VWA8: variants seen among roughly 807,000 people sequenced by gnomAD.
VWA8 encodes the protein von Willebrand factor A domain-containing protein 8.
A neutral mutation model predicts 241.5 loss-of-function variants in VWA8; 221 were observed. The ratio of observed to expected loss-of-function variants is 0.91; its 90% confidence interval spans 0.82 to 1.02. VWA8 has a LOEUF of 1.02. Among genes scored for constraint, VWA8 ranks in the 50% least tolerant of loss-of-function variants. The pLI is 0.00. For synonymous variants in VWA8, 852 were observed against 827.1 expected, an observed-to-expected ratio of 1.03 and a Z score of -0.52; for missense variants, 2,322 against 2,328.7, an observed-to-expected ratio of 1.00 and a Z score of 0.06.
chr13:41,798,924 TTTTG>T (rs1869825242), intron 17 of VWA8, among the ~76,000 whole-genome samples: 1 of 152,182 alleles, frequency 6.6e-6, no homozygotes, highest in South Asian at 2.1e-4. Context: ...GCTTATTGAA[TTTTG>T]TTTGATGGTT....
chr13:41,832,401 G>A (rs1350362351), intron 13 of VWA8, among the ~76,000 whole-genome samples: 3 of 152,290 alleles, frequency 2.0e-5, no homozygotes, highest in East Asian at 1.9e-4. Flanking sequence ...GACTATTACC[G>A]TGTCTGCAGT....
At chr13:41,607,368 TA>T (rs1196055440) in intron 39 of VWA8, among the ~76,000 whole-genome samples, 1 of 152,210 alleles carries the variant, frequency 6.6e-6, no homozygotes, top group African/African-American at 2.4e-5. Context: ...TCCTGAAGAA[TA>T]AAAAGAAATA....
chr13:41,742,776 A>G (rs924187071), intron 21 of VWA8, among the ~76,000 whole-genome samples: 1 of 152,206 alleles, frequency 6.6e-6, no homozygotes, highest in Non-Finnish European at 1.5e-5. Context: ...CAAACACATG[A>G]GATCCAAATG....
intron 12 of VWA8, among the ~76,000 whole-genome samples, chr13:41,844,341 A>G (rs920478875): frequency 2.6e-5 from 4 of 152,152 alleles, no homozygotes; most frequent in Admixed American, 1.3e-4. Flanking sequence ...ATACATCAAA[A>G]TAATATAATA....
At chr13:41,601,037 G>A (rs1370839560) in intron 40 of VWA8, among the ~76,000 whole-genome samples, 1 of 152,078 alleles carries the variant, frequency 6.6e-6, no homozygotes, top group African/African-American at 2.4e-5. Context: ...CTCAGCTCAT[G>A]CCTGAGACCA....
At chr13:41,702,537 AC>A (rs1160726817) in intron 27 of VWA8, among the ~76,000 whole-genome samples, 5 of 152,216 alleles carry the variant, frequency 3.3e-5, no homozygotes, top group Non-Finnish European at 7.3e-5. Context: ...GGGTTGACAA[AC>A]TATGGCCTCC....
intron 9 of VWA8, among the ~76,000 whole-genome samples, chr13:41,882,176 G>T (rs1216909863): frequency 7.3e-5 from 11 of 150,082 alleles, no homozygotes; most frequent in Non-Finnish European, 1.3e-4. Context: ...GGGCGGCAGG[G>T]CAGAGGCTCT....
At chr13:41,582,942 C>T (rs1340129356) in intron 42 of VWA8, among the ~76,000 whole-genome samples, 1 of 152,116 alleles carries the variant, frequency 6.6e-6, no homozygotes, top group East Asian at 1.9e-4. Context: ...CACCTATATA[C>T]CCCCAAACAT....
At chr13:41,783,330 C>T (rs1868978958) in intron 19 of VWA8, among the ~76,000 whole-genome samples, 1 of 151,354 alleles carries the variant, frequency 6.6e-6, no homozygotes, top group African/African-American at 2.4e-5. Context: ...TTTCTGTTTT[C>T]TGTCTTATGT....
chr13:41,955,509 G>A (rs897581823), intron 1 of VWA8, among the ~76,000 whole-genome samples: 4 of 152,066 alleles, frequency 2.6e-5, no homozygotes, highest in African/African-American at 4.8e-5. Context: ...GTCTCACTTT[G>A]ACCAGAACAG....
intron 37 of VWA8, among the ~76,000 whole-genome samples, chr13:41,640,043 T>C (rs916932318): frequency 2.0e-5 from 3 of 152,176 alleles, no homozygotes; most frequent in Non-Finnish European, 4.4e-5. Context: ...ACATCACTAC[T>C]CTACGATTTC....
intron 1 of VWA8, among the ~76,000 whole-genome samples, chr13:41,958,803 A>G (rs1878459993): frequency 6.6e-6 from 1 of 152,238 alleles, no homozygotes; most frequent in Non-Finnish European, 1.5e-5. Context: ...TTTAAAGAAG[A>G]TAGTATGTTC....
intron 2 of VWA8, among the ~76,000 whole-genome samples, chr13:41,929,666 A>G (rs1260124502): frequency 2.0e-5 from 3 of 152,224 alleles, no homozygotes; most frequent in Non-Finnish European, 2.9e-5. Context: ...GGGAAAGGAT[A>G]GTCTCTTCAA....
At chr13:41,608,532 G>C (rs556195804) in intron 39 of VWA8, among the ~76,000 whole-genome samples, 1 of 152,222 alleles carries the variant, frequency 6.6e-6, no homozygotes, top group African/African-American at 2.4e-5. Flanking sequence ...TATATTTATT[G>C]TTACGTAAGA....
intron 40 of VWA8, among the ~76,000 whole-genome samples, chr13:41,591,049 C>T (rs997362354): frequency 2.0e-5 from 3 of 152,062 alleles, no homozygotes; most frequent in African/African-American, 7.2e-5. Flanking sequence ...ATAATGGGGG[C>T]GCATTTCTTA....
chr13:41,842,290 CA>C, intron 12 of VWA8, among the ~76,000 whole-genome samples: 1 of 152,246 alleles, frequency 6.6e-6, no homozygotes, highest in East Asian at 1.9e-4. Context: ...TGTTTGATCT[CA>C]AAAAGGCCTC....
rs143273865 is a variant in VWA8, at chr13:41,740,431, C to T, written c.2427-8276G>A. Among the ~76,000 whole-genome samples, 4 of 152,326 alleles carry T rather than the reference C, an allele frequency of 2.6e-5. No individual in the cohort carries two copies. In the East Asian group the frequency reaches 7.7e-4, roughly 29 times the overall value. ...GAAAATAGCAGCAAGGAGCTGTTGTCCTGAGCCAACACTTTCAGGAAACTG... is the reference window on the plus strand; with the variant it reads ...GAAAATAGCAGCAAGGAGCTGTTGTTCTGAGCCAACACTTTCAGGAAACTG... On this transcript the variant is annotated intron_variant, in intron 21 of 44. Transcript: ENST00000379310.
At chr13:41,801,638 C>T (rs9566853) in intron 17 of VWA8, among the ~76,000 whole-genome samples, 35,483 of 152,052 alleles carry the variant, frequency 0.23, 4,862 homozygotes, top group South Asian at 0.3. Flanking sequence ...TAAGAAAATT[C>T]TACAAGCCAA....
chr13:41,585,673 G>A (rs2044412361), intron 42 of VWA8, among the ~76,000 whole-genome samples: 1 of 152,060 alleles, frequency 6.6e-6, no homozygotes, highest in African/African-American at 2.4e-5. Flanking sequence ...AGACCAGCCT[G>A]ACCAACATGG....
Sources: allele counts gnomAD v4.1 joint callset (sites outside exome capture counted in the v4.1 genomes callset), GRCh38; gene constraint gnomAD v4.1.1; transcripts MANE v1.5; gene names NCBI Gene and HGNC (gene_info 2026-07-23, HGNC 2026-07-21).